The following TMEM151A variants were observed in gnomAD, a reference collection of about 807,000 sequenced individuals.
TMEM151A encodes the protein transmembrane protein 151A.
A neutral mutation model predicts 33.7 loss-of-function variants in TMEM151A; 21 were observed. The observed-to-expected ratio is 0.62, with a 90% confidence interval of 0.44 to 0.90. The LOEUF is 0.90. TMEM151A is among the 40% of genes least tolerant of loss of function. The probability of loss-of-function intolerance (pLI) is 0.00; values close to 1 mark genes in which losing one functional copy is unlikely to be tolerated. For synonymous variants in TMEM151A, 374 were observed against 330.3 expected, an observed-to-expected ratio of 1.13 and a Z score of -1.43; for missense variants, 704 against 697.7, an observed-to-expected ratio of 1.01 and a Z score of -0.10.
rs768596022 is a variant in TMEM151A at position 66,296,392 on chromosome 11, A to G, written c.*739A>G. The G allele has an allele frequency of 1.3e-5, 2 of 151,946 alleles. No individual in the cohort carries two copies. The highest frequency in any genetic ancestry group is 4.9e-5 in the African/African-American group (2 of 41,108). The allele number at this position is 151,946 out of a possible 1,614,324, so 9.4% of individuals were successfully genotyped here. On this transcript the variant is annotated 3_prime_UTR_variant, in exon 2 of 2. Coordinates refer to ENST00000327259, the MANE Select transcript of TMEM151A (RefSeq NM_153266.4). ...GTTCCTTGCCCTCCCGGACTTATCT[A>G]CTCTTCACTTTCCTGATGATCCATG...
rs1857517129 is a variant in TMEM151A at position 66,295,946 on chromosome 11, T to A, written c.*293T>A. The A allele has an allele frequency of 3.2e-6, 1 of 313,880 alleles. No individual in the cohort carries two copies. The highest frequency in any genetic ancestry group is 5.8e-6 in the Non-Finnish European group (1 of 171,590). 19.4% of individuals were successfully genotyped at this position (313,880 alleles called of 1,614,324 possible). ...CAGGAGAAGAAGCTTCCAGAAAGGC[T>A]GGGATGGAGGAGGAGTCCTGCGGCC... is the stretch of plus-strand genomic sequence containing the variant. On this transcript the variant is annotated 3_prime_UTR_variant, in exon 2 of 2. Coordinates refer to ENST00000327259, the MANE Select transcript of TMEM151A (RefSeq NM_153266.4).
intron 1 of TMEM151A, among the ~76,000 whole-genome samples, chr11:66,293,922 A>C (rs1857481577): frequency 6.6e-6 from 1 of 152,208 alleles, no homozygotes. Flanking sequence ...CCAAACCAAC[A>C]GGACCAAGAA....
Position 66,292,129 on chromosome 11 carries a change from G to T in TMEM151A, c.75+41G>T. 2 of 1,393,776 alleles carry T rather than the reference G, an allele frequency of 1.4e-6. No individual in the cohort carries two copies. The highest frequency in any genetic ancestry group is 3.1e-5 in the South Asian group (2 of 64,424). 86.3% of individuals were successfully genotyped at this position (1,393,776 alleles called of 1,614,324 possible). A position where few individuals can be genotyped will look rare whatever the true frequency, so the allele number is the denominator to read the frequency against. On this transcript the variant is annotated intron_variant, in intron 1 of 1. Coordinates refer to ENST00000327259, the MANE Select transcript of TMEM151A (RefSeq NM_153266.4). This position sits in a 1 kb window ranked among gnomAD's most constrained non-coding sequence, Gnocchi z 4.7. ...GGGCCGGAGCCGGGCCTGGGGCGGC[G>T]TGAGAGGGACCAGTGCAAAAGGCGA...
rs750053078 is a variant in TMEM151A at position 66,295,116 on chromosome 11, C to T, written c.870C>T (p.Leu290=). The T allele has an allele frequency of 3.8e-6, 6 of 1,587,392 alleles. No individual in the cohort carries two copies. Among genetic ancestry groups the T allele is most frequent in the African/African-American group, 2.7e-5 (2 of 74,516 alleles). Reference sequence around the variant, plus strand: ...ACGCGCGCGCCTGGGTCTTCTGGCTCGTGTCGGCGGCCACGCTGTCGTGGC... The same window carrying T: ...ACGCGCGCGCCTGGGTCTTCTGGCTTGTGTCGGCGGCCACGCTGTCGTGGC... ...PWYARAWVFW[L]VSAATLSWPL... is the part of the protein sequence containing the mutation. Residue 290 remains leucine (L), a synonymous_variant, in exon 2 of 2, where the codon CTC becomes CTT. Transcript: ENST00000327259.
rs143489331 is a variant in TMEM151A, at chr11:66,294,440, C to T, written c.194C>T (p.Ala65Val). 3.5e-5 allele frequency: 56 copies of T among 1,610,782 alleles called. No homozygotes were observed. The African/African-American group carries it at 7.2e-4, about 21-fold the overall frequency. ...CGAVVAWCRL[A>V]TVPRLVLGPE... The stretch of plus-strand genomic sequence containing the variant: ...GCCGTGGTGGCCTGGTGTCGCCTGG[C>T]CACAGTGCCGCGGCTGGTCCTGGGG... Residue 65 changes from alanine to valine, a missense_variant, in exon 2 of 2, where the codon GCC becomes GTC. Coordinates refer to ENST00000327259, the MANE Select transcript of TMEM151A (RefSeq NM_153266.4).
At position 66,294,326 on chromosome 11, in the gene TMEM151A, G is replaced by T. The variant is rs1334259658; in HGVS notation, c.80G>T (p.Arg27Leu). Residue 27 changes from arginine (R) to leucine (L), a missense_variant, in exon 2 of 2, where the codon CGG (arginine) becomes CTG (leucine). Transcript: ENST00000327259. ...CCTTTCTCTGCCCACCTGCAGCAGCGGCCCCTGAAACAGTCCCTGGGAAGC... is the reference window on the plus strand; with the variant it reads ...CCTTTCTCTGCCCACCTGCAGCAGCTGCCCCTGAAACAGTCCCTGGGAAGC... ...PDGEPLREEQ[R>L]PLKQSLGSSL... 2.5e-6 allele frequency: 4 copies of T among 1,607,238 alleles called. No individual in the cohort carries two copies. The Admixed American group carries it at 5.0e-5, about 20-fold the overall frequency.
At position 66,294,687 on chromosome 11, in the gene TMEM151A, G is replaced by T; in HGVS notation, c.441G>T (p.Pro147=). 6.3e-7 allele frequency: 1 copy of T among 1,586,574 alleles called. No individual in the cohort carries two copies. Among genetic ancestry groups the T allele is most frequent in the Non-Finnish European group, 8.6e-7 (1 of 1,166,982 alleles). ...TCCGCCGGCTGCAGCAGGCGCCGCC[G>T]TGCGTCTGGTGGAAGGCCACCAGCT... ...ALIRRLQQAP[P]CVWWKATSYH... Residue 147 remains proline, a synonymous_variant, in exon 2 of 2, where the codon CCG becomes CCT. Coordinates refer to ENST00000327259, the MANE Select transcript of TMEM151A (RefSeq NM_153266.4).
Position 66,291,955 on chromosome 11 carries a change from G to C in TMEM151A, c.-59G>C. 7.1e-7 allele frequency: 1 copy of C among 1,403,200 alleles called. No individual in the cohort carries two copies. Among genetic ancestry groups the C allele is most frequent in the South Asian group, 1.3e-5 (1 of 76,778 alleles). The allele number at this position is 1,403,200 out of a possible 1,614,324, so 86.9% of individuals were successfully genotyped here. On this transcript the variant is annotated 5_prime_UTR_variant, in exon 1 of 2. Coordinates refer to ENST00000327259, the MANE Select transcript of TMEM151A (RefSeq NM_153266.4). ...CCCGGGGGCCGCGTCGCAGCCCTCCGTGCTCCCCCCTATCATGCCCGGTGC... is the reference window on the plus strand; with the variant it reads ...CCCGGGGGCCGCGTCGCAGCCCTCCCTGCTCCCCCCTATCATGCCCGGTGC...
At position 66,294,434 on chromosome 11, in the gene TMEM151A, G is replaced by A. The variant is rs910344268; in HGVS notation, c.188G>A (p.Arg63His). The part of the protein sequence containing the change: ...HACGAVVAWC[R>H]LATVPRLVLG... ...TGCGGGGCCGTGGTGGCCTGGTGTC[G>A]CCTGGCCACAGTGCCGCGGCTGGTC... Residue 63 changes from arginine (R) to histidine (H), a missense_variant, in exon 2 of 2, where the codon CGC becomes CAC. Arg to His is a conservative substitution (Grantham distance 29). This residue lies in a region of TMEM151A where 301 missense variants were observed against 323.4 expected (regional missense o/e 0.93). Transcript: ENST00000327259. 5 of 1,610,904 alleles carry A rather than the reference G, an allele frequency of 3.1e-6. No homozygotes were observed. Among genetic ancestry groups the A allele is most frequent in the Admixed American group, 1.7e-5 (1 of 59,882 alleles).
Position 66,294,316 on chromosome 11 carries a change from C to G in TMEM151A, c.76-6C>G. ...CACAGACTTCCCTTTCTCTGCCCAC[C>G]TGCAGCAGCGGCCCCTGAAACAGTC... On this transcript the variant is annotated splice_region_variant and splice_polypyrimidine_tract_variant and intron_variant, in intron 1 of 1. Coordinates refer to ENST00000327259, the MANE Select transcript of TMEM151A (RefSeq NM_153266.4). 6.2e-7 allele frequency: 1 copy of G among 1,605,582 alleles called. No homozygotes were observed. Among genetic ancestry groups the G allele is most frequent in the Non-Finnish European group, 8.5e-7 (1 of 1,179,408 alleles).
Position 66,294,904 on chromosome 11 carries a change from T to C in TMEM151A, c.658T>C (p.Phe220Leu). The change falls in exon 2 of 2, where the codon TTC (phenylalanine) becomes CTC (leucine). Residue 220 changes from phenylalanine to leucine, a missense_variant. Physicochemically the swap from Phe to Leu is conservative, Grantham distance 22 (BLOSUM62 0). Around this residue, in one of 3 missense-constraint regions of TMEM151A, gnomAD observed 301 missense variants for 323.4 expected, o/e 0.93. Transcript: ENST00000327259. ...GGAGCACGCGGCCACGCGGCTGCGC[T>C]TCACCAAGTGCTTCAGCTTCGGCAG... Reference protein sequence around the residue: ...LAEHAATRLRFTKCFSFGSAE... With the variant: ...LAEHAATRLRLTKCFSFGSAE... 6.5e-7 allele frequency: 1 copy of C among 1,538,618 alleles called. No individual in the cohort carries two copies. The highest frequency in any genetic ancestry group is 1.7e-4 in the Middle Eastern group (1 of 5,986).
rs1209438161 is a variant in TMEM151A at position 66,295,324 on chromosome 11, T to TA, written c.1079dup (p.Tyr360Ter). 1 of 1,588,584 alleles carries TA rather than the reference T, an allele frequency of 6.3e-7. No individual in the cohort carries two copies. Among genetic ancestry groups the TA allele is most frequent in the Non-Finnish European group, 8.6e-7 (1 of 1,168,542 alleles). Reference sequence around the variant, plus strand: ...CTCCAACCGGCAGCTGGTGCCCAGCTACTCGGAGGCCGTGGTCATGGGCGC... The same window carrying TA: ...CTCCAACCGGCAGCTGGTGCCCAGCTAACTCGGAGGCCGTGGTCATGGGCGC... Reference protein sequence around the residue: ...ICSNRQLVPSYSEAVVMGAGS... With the variant: ...ICSNRQLVPS Residue 360 changes from tyrosine (Y) to a stop codon, truncating the protein, a stop_gained and frameshift_variant, in exon 2 of 2, where the codon TAC (tyrosine) becomes TAAC (stop). Transcript: ENST00000327259. LOFTEE classifies it high-confidence loss of function.
chr11:66,295,349 C>T lies in TMEM151A; in HGVS notation c.1103C>T (p.Ala368Val), dbSNP rs760396267. ...TACTCGGAGGCCGTGGTCATGGGCG[C>T]GGGCTCGGGCGCCTACCTCAGAGGC... Reference protein sequence around the residue: ...PSYSEAVVMGAGSGAYLRGCQ... With the variant: ...PSYSEAVVMGVGSGAYLRGCQ... Residue 368 changes from alanine to valine, a missense_variant, in exon 2 of 2, where the codon GCG (alanine) becomes GTG (valine). By Grantham distance (64) the Ala-to-Val change is moderately conservative (BLOSUM62 0). Around this residue, in one of 3 missense-constraint regions of TMEM151A, gnomAD observed 398 missense variants for 356.0 expected, o/e 1.12. Transcript: ENST00000327259. The T allele has an allele frequency of 9.5e-6, 15 of 1,579,686 alleles. No homozygotes were observed. The highest frequency in any genetic ancestry group is 1.3e-5 in the Non-Finnish European group (15 of 1,165,186).
chr11:66,294,865 C>T lies in TMEM151A; in HGVS notation c.619C>T (p.Leu207=), dbSNP rs1247695704. 2.6e-6 allele frequency: 4 copies of T among 1,537,262 alleles called. No homozygotes were observed. Among genetic ancestry groups the T allele is most frequent in the Non-Finnish European group, 2.6e-6 (3 of 1,145,580 alleles). ...CGGCGTCCGCGACGTCTCCAAGGAG[C>T]TGGTGGGGCTGGCGGAGCACGCGGC... ...AHGVRDVSKE[L]VGLAEHAATR... The change falls in exon 2 of 2, where the codon CTG becomes TTG. Residue 207 remains leucine (L), a synonymous_variant. Transcript: ENST00000327259.
chr11:66,294,567 C>G lies in TMEM151A; in HGVS notation c.321C>G (p.Ser107=), dbSNP rs1199438350. The G allele has an allele frequency of 6.2e-7, 1 of 1,612,430 alleles. No individual in the cohort carries two copies. Among genetic ancestry groups the G allele is most frequent in the Non-Finnish European group, 8.5e-7 (1 of 1,179,158 alleles). ...GYLYIPLAFV[S]LLYLLYLAEC... The stretch of plus-strand genomic sequence containing the variant: ...TGTACATCCCGCTGGCCTTCGTCTC[C>G]CTCCTCTACCTCCTCTACCTGGCTG... Residue 107 remains serine (S), a synonymous_variant, in exon 2 of 2, where the codon TCC becomes TCG. Transcript: ENST00000327259.
chr11:66,294,838 C>T lies in TMEM151A; in HGVS notation c.592C>T (p.His198Tyr), dbSNP rs767465391. 1.3e-6 allele frequency: 2 copies of T among 1,539,172 alleles called. No homozygotes were observed. The highest frequency in any genetic ancestry group is 1.7e-6 in the Non-Finnish European group (2 of 1,145,804). ...TARGEFDYSA[H>Y]GVRDVSKELV... ...CCGCGGCGAGTTTGACTACTCGGCG[C>T]ACGGCGTCCGCGACGTCTCCAAGGA... Residue 198 changes from histidine (H) to tyrosine (Y), a missense_variant, in exon 2 of 2, where the codon CAC (histidine) becomes TAC (tyrosine). This residue lies in a region of TMEM151A where 301 missense variants were observed against 323.4 expected (regional missense o/e 0.93). Transcript: ENST00000327259.
rs758781137 is a variant in TMEM151A at position 66,294,608 on chromosome 11, A to G, written c.362A>G (p.His121Arg). ...LLYLAECWHC[H>R]VRSCQAPRTD... ...TACCTGGCTGAGTGCTGGCACTGTCACGTGCGGTCCTGCCAGGCGCCACGC... is the reference window on the plus strand; with the variant it reads ...TACCTGGCTGAGTGCTGGCACTGTCGCGTGCGGTCCTGCCAGGCGCCACGC... Residue 121 changes from histidine to arginine, a missense_variant, in exon 2 of 2, where the codon CAC becomes CGC. Physicochemically the swap from His to Arg is conservative, Grantham distance 29. Transcript: ENST00000327259. The G allele has an allele frequency of 5.6e-6, 9 of 1,612,496 alleles. No individual in the cohort carries two copies. In the South Asian group the frequency reaches 8.8e-5, roughly 16 times the overall value.
At position 66,295,046 on chromosome 11, in the gene TMEM151A, G is replaced by A. The variant is rs1245729165; in HGVS notation, c.800G>A (p.Arg267His). 1.1e-5 allele frequency: 18 copies of A among 1,598,736 alleles called. No individual in the cohort carries two copies. Among genetic ancestry groups the A allele is most frequent in the Non-Finnish European group, 1.5e-5 (18 of 1,179,116 alleles). ...EGMHLKDVDF[R>H]ESLMVFADPR... ...ATGCACCTGAAGGACGTAGACTTCC[G>A]CGAGTCGCTCATGGTCTTCGCCGAC... The change falls in exon 2 of 2, where the codon CGC becomes CAC. Residue 267 changes from arginine to histidine, a missense_variant. Transcript: ENST00000327259.
rs1417444480 is a variant in TMEM151A, at chr11:66,296,137, C to T, written c.*484C>T. On this transcript the variant is annotated 3_prime_UTR_variant, in exon 2 of 2. Transcript: ENST00000327259. Reference sequence around the variant, plus strand: ...AGAGCTGGCTGTGGTGGCACCATGGCCTTGGCCCTGCTACTCACCCAACAT... The same window carrying T: ...AGAGCTGGCTGTGGTGGCACCATGGTCTTGGCCCTGCTACTCACCCAACAT... 1 of 154,380 alleles carries T rather than the reference C, an allele frequency of 6.5e-6. No individual in the cohort carries two copies. Among genetic ancestry groups the T allele is most frequent in the Non-Finnish European group, 1.4e-5 (1 of 69,296 alleles). The allele number at this position is 154,380 out of a possible 1,614,324, so 9.6% of individuals were successfully genotyped here.
Sources: gnomAD v4.1 joint callset for allele counts (sites outside exome capture counted in the v4.1 genomes callset) on GRCh38, gnomAD v4.1.1 for gene constraint, gnomAD v4.1.1 regional missense constraint, Gnocchi (gnomAD v3.1) non-coding constraint, MANE v1.5 for transcripts, NCBI Gene and HGNC (gene_info 2026-07-23, HGNC 2026-07-21) for gene names.